Variants in COPG2 observed in about 807,000 individuals in gnomAD.
COPG2 encodes coatomer subunit gamma-2.
A neutral mutation model predicts 46.3 loss-of-function variants in COPG2; 37 were observed. That is an observed-to-expected ratio of 0.80 (90% CI 0.61 to 1.05). COPG2 has a LOEUF of 1.05. Ranked by LOEUF, COPG2 falls within the 50% of genes least tolerant of loss-of-function variation. The pLI, the probability that COPG2 is intolerant of heterozygous loss-of-function variation, is 0.00. For synonymous variants in COPG2, 159 were observed against 129.7 expected, an observed-to-expected ratio of 1.23 and a Z score of -1.53; for missense variants, 427 against 387.8, an observed-to-expected ratio of 1.10 and a Z score of -0.85.
chr7:130,557,836 A>AAAAAAAAAAAAG lies in COPG2; in HGVS notation c.1129-2705_1129-2704insCTTTTTTTTTTT, dbSNP rs1311217668. 1.3e-5 allele frequency among the ~76,000 whole-genome samples: 2 copies of AAAAAAAAAAAAG among 148,226 alleles called. 1 individual carries two copies. Among genetic ancestry groups the AAAAAAAAAAAAG allele is most frequent in the South Asian group, 4.2e-4 (2 of 4,718 alleles). On this transcript the variant is annotated intron_variant, in intron 12 of 23. Transcript: ENST00000425248. ...CCATCTCAAAAAAAAAAAAAAAAAA[A>AAAAAAAAAAAAG]AATCATGCAAGAATAGCCAGGAAAA...
intron 20 of COPG2, 77 bp downstream of exon 20, chr7:130,547,597 G>A (rs1316052952): frequency 2.5e-6 from 1 of 398,276 alleles, no homozygotes; most frequent in Non-Finnish European, 4.4e-6. Flanking sequence ...TTCTTAAACT[G>A]AGCATTTGAA....
intron 5 of COPG2, among the ~76,000 whole-genome samples, chr7:130,639,441 A>G (rs531523297): frequency 3.3e-5 from 5 of 152,164 alleles, no homozygotes. Flanking sequence ...AGTTTTTTCC[A>G]ATCAACAGAT....
chr7:130,590,537 C>T (rs1419619193), intron 9 of COPG2, among the ~76,000 whole-genome samples: 1 of 152,106 alleles, frequency 6.6e-6, no homozygotes, highest in Non-Finnish European at 1.5e-5. Context: ...GGATGGCAGA[C>T]GGAGTTGCGT....
intron 9 of COPG2, among the ~76,000 whole-genome samples, chr7:130,600,498 G>C (rs1322468522): frequency 6.6e-6 from 1 of 151,988 alleles, no homozygotes; most frequent in African/African-American, 2.4e-5. Context: ...CCTGGGCTCA[G>C]GCAATCCACT....
intron 9 of COPG2, chr7:130,603,874 A>G (rs1554450808): frequency 3.9e-6 from 2 of 519,146 alleles, no homozygotes; most frequent in South Asian, 1.4e-5. Context: ...CCCCCAAAAT[A>G]TCACTAATAA....
chr7:130,557,776 C>T (rs1297244906), intron 12 of COPG2, among the ~76,000 whole-genome samples: 9 of 131,456 alleles, frequency 6.8e-5, no homozygotes, highest in Admixed American at 2.5e-4. Flanking sequence ...GAGATCACGC[C>T]GTTGCACTCC....
chr7:130,586,826 C>A (rs1794282509), intron 9 of COPG2, among the ~76,000 whole-genome samples: 1 of 151,960 alleles, frequency 6.6e-6, no homozygotes, highest in Non-Finnish European at 1.5e-5. Context: ...TCTTTTCCTT[C>A]CTATCTATAA....
intron 9 of COPG2, among the ~76,000 whole-genome samples, chr7:130,567,910 T>C (rs1019429252): frequency 1.1e-4 from 17 of 151,034 alleles, no homozygotes; most frequent in Non-Finnish European, 2.1e-4. Context: ...CAATGAAAAA[T>C]AAAAAACAAG....
intron 20 of COPG2, among the ~76,000 whole-genome samples, chr7:130,540,820 T>C (rs1055753116): frequency 1.3e-5 from 2 of 151,936 alleles, no homozygotes; most frequent in Non-Finnish European, 2.9e-5. Flanking sequence ...GAATTTCACG[T>C]GGAGGGAGGT....
chr7:130,577,326 G>A (rs189042212), intron 9 of COPG2, among the ~76,000 whole-genome samples: 139 of 152,368 alleles, frequency 9.1e-4, no homozygotes, highest in Admixed American at 4.0e-3. Flanking sequence ...CCGTGCGCAA[G>A]CCGAACCAGG....
chr7:130,625,538 G>A (rs1444562126), intron 5 of COPG2, among the ~76,000 whole-genome samples: 1 of 151,148 alleles, frequency 6.6e-6, no homozygotes, highest in Non-Finnish European at 1.5e-5. Context: ...TTTTTGACAA[G>A]CTGTATTTGC....
chr7:130,610,854 G>C (rs2116502583), intron 9 of COPG2, 99 bp downstream of exon 9: 3 of 1,173,134 alleles, frequency 2.6e-6, no homozygotes, highest in Admixed American at 1.7e-5. Context: ...CATCTGTAAA[G>C]TTAGCACTGC....
intron 5 of COPG2, among the ~76,000 whole-genome samples, chr7:130,649,470 A>G (rs782450122): frequency 1.3e-4 from 20 of 152,194 alleles, no homozygotes; most frequent in Non-Finnish European, 2.8e-4. Context: ...AAATCTCTTC[A>G]GTTAAACATC....
Position 130,547,829 on chromosome 7 carries a change from G to A in COPG2, c.1994C>T (p.Thr665Ile). The part of the protein sequence containing the change: ...HIVFQFDCTN[T>I]LNDQLLEKVT... ...TTTTTCCAGCAGCTGGTCATTGAGAGTGTTGGTGCAGTCAAACTGAAAAGT... is the reference window on the plus strand; with the variant it reads ...TTTTTCCAGCAGCTGGTCATTGAGAATGTTGGTGCAGTCAAACTGAAAAGT... The change falls in exon 20 of 24, where the codon ACT becomes ATT. Residue 665 changes from threonine (T) to isoleucine (I), a missense_variant. Coordinates refer to ENST00000425248, the MANE Select transcript of COPG2 (RefSeq NM_012133.6). 1 of 399,114 alleles carries A rather than the reference G, an allele frequency of 2.5e-6. No homozygotes were observed. The highest frequency in any genetic ancestry group is 4.4e-6 in the Non-Finnish European group (1 of 226,324). The allele number at this position is 399,114 out of a possible 1,614,324, so 24.7% of individuals were successfully genotyped here.
In COPG2 at chr7:130,650,981, T is replaced by G. The variant is rs142507919; in HGVS notation, c.323+1888A>C. Among the ~76,000 whole-genome samples the G allele has an allele frequency of 5.9e-5, 9 of 152,352 alleles. No homozygotes were observed. The East Asian group carries it at 1.7e-3, about 29-fold the overall frequency. On this transcript the variant is annotated intron_variant, in intron 5 of 23. Coordinates refer to ENST00000425248, the MANE Select transcript of COPG2 (RefSeq NM_012133.6). ...AAAAAATAAACTCCCATCTTGTTTA[T>G]GTCACTGTTTACATCTGCTTTTCTG...
At position 130,637,994 on chromosome 7, in the gene COPG2, C is replaced by T. The variant is rs535881832; in HGVS notation, c.323+14875G>A. The stretch of plus-strand genomic sequence containing the variant: ...ACAGTCAGGACCCTCTGCTGCAGGT[C>T]TGCTGGAATTTGCTGGAGGTCCACT... On this transcript the variant is annotated intron_variant, in intron 5 of 23. Transcript: ENST00000425248. 1.7e-3 allele frequency among the ~76,000 whole-genome samples: 259 copies of T among 152,308 alleles called. 2 individuals are homozygous for T. The highest frequency in any genetic ancestry group is 5.8e-3 in the African/African-American group (241 of 41,568).
chr7:130,589,123 TTCAA>T (rs1554448488), intron 9 of COPG2, among the ~76,000 whole-genome samples: 1 of 152,166 alleles, frequency 6.6e-6, no homozygotes, highest in East Asian at 1.9e-4. Flanking sequence ...CAATCGTTAA[TTCAA>T]AGGATGTTAA....
At chr7:130,615,933 G>A (rs75487329) in intron 6 of COPG2, among the ~76,000 whole-genome samples, 2 of 152,148 alleles carry the variant, frequency 1.3e-5, no homozygotes, top group Admixed American at 1.3e-4. Context: ...ATCCCCCTTA[G>A]GACATAATAC....
intron 9 of COPG2, among the ~76,000 whole-genome samples, chr7:130,595,627 A>G (rs1794512154): frequency 6.6e-6 from 1 of 152,228 alleles, no homozygotes; most frequent in Non-Finnish European, 1.5e-5. Context: ...TACTAAATGA[A>G]CAAAACAAGA....
Sources: gnomAD v4.1 joint callset for allele counts (sites outside exome capture counted in the v4.1 genomes callset) on GRCh38, gnomAD v4.1.1 for gene constraint, MANE v1.5 for transcripts, NCBI Gene and HGNC (gene_info 2026-07-23, HGNC 2026-07-21) for gene names.